SIPA1L2: variants seen among roughly 807,000 people sequenced by gnomAD.
The protein encoded by SIPA1L2 is signal-induced proliferation-associated 1-like protein 2.
A neutral mutation model predicts 163.9 loss-of-function variants in SIPA1L2; 56 were observed. The observed-to-expected ratio is 0.34, with a 90% CI of 0.28 to 0.43. SIPA1L2 has a LOEUF of 0.43. Ranked by LOEUF, SIPA1L2 falls within the 20% of genes least tolerant of loss-of-function variation. SIPA1L2 has a pLI of 1.00. For missense variants in SIPA1L2, 1,974 were observed against 2,193.5 expected, an observed-to-expected ratio of 0.90 and a Z score of 2.00; for synonymous variants, 877 against 865.7, an observed-to-expected ratio of 1.01 and a Z score of -0.23.
chr1:232,556,378 A>C (rs1329651131), intron 2 of SIPA1L2, among the ~76,000 whole-genome samples: 1 of 152,052 alleles, frequency 6.6e-6, no homozygotes, highest in Non-Finnish European at 1.5e-5. Context: ...TTTTTAAAAG[A>C]AAAAGTGAAC....
At chr1:232,611,403 G>A (rs991754897) in intron 1 of SIPA1L2, among the ~76,000 whole-genome samples, 8 of 152,160 alleles carry the variant, frequency 5.3e-5, no homozygotes, top group Non-Finnish European at 7.3e-5. Flanking sequence ...AGTTTGGAGG[G>A]CTCAGAAGAG....
intron 1 of SIPA1L2, among the ~76,000 whole-genome samples, chr1:232,576,714 A>G (rs1285675): frequency 0.29 from 43,696 of 152,198 alleles, 6,480 homozygotes; most frequent in East Asian, 0.36. Context: ...AATACAAAGG[A>G]AAAGTTCTTG....
intron 2 of SIPA1L2, among the ~76,000 whole-genome samples, chr1:232,527,714 T>C (rs1467722614): frequency 8.5e-6 from 1 of 117,692 alleles, no homozygotes; most frequent in African/African-American, 3.2e-5. Flanking sequence ...CATTTAATTC[T>C]TCTTCTTCTT....
At position 232,471,532 on chromosome 1, in the gene SIPA1L2, T is replaced by C. The variant is rs760187563; in HGVS notation, c.2086-4A>G. On this transcript the variant is annotated splice_polypyrimidine_tract_variant and splice_region_variant and intron_variant, in intron 7 of 22. Transcript: ENST00000674635. ...CTATGTGCCTTTTCCTCAGTAGCTG[T>C]GGTCAAGAAAGTGAAGAGTTACAAA... The C allele has an allele frequency of 4.7e-5, 76 of 1,601,054 alleles. No homozygotes were observed. The highest frequency in any genetic ancestry group is 3.8e-4 in the South Asian group (34 of 88,520).
intron 3 of SIPA1L2, among the ~76,000 whole-genome samples, chr1:232,506,890 A>G (rs2103028725): frequency 6.6e-6 from 1 of 152,354 alleles, no homozygotes; most frequent in South Asian, 2.1e-4. Context: ...TACATTTGTA[A>G]AATTTTTAAC....
rs374041573 is a variant in SIPA1L2 at position 232,564,938 on chromosome 1, T to C, written c.-270+9236A>G. Among the ~76,000 whole-genome samples, 49 of 152,152 alleles carry C rather than the reference T, an allele frequency of 3.2e-4. 4 individuals carry two copies. Among genetic ancestry groups the C allele is most frequent in the East Asian group, 1.9e-3 (10 of 5,156 alleles). ...AGAGGAGGGAGAGCATCAGGACAAA[T>C]AGCTAATGCATGCGGGGCTTAAAAC... On this transcript the variant is annotated intron_variant, in intron 2 of 22. Transcript: ENST00000674635.
intron 10 of SIPA1L2, among the ~76,000 whole-genome samples, chr1:232,456,988 C>T (rs768805893): frequency 1.3e-5 from 2 of 152,142 alleles, no homozygotes; most frequent in Non-Finnish European, 2.9e-5. Flanking sequence ...CCCTGCAACT[C>T]CACAAGGAAA....
intron 1 of SIPA1L2, among the ~76,000 whole-genome samples, chr1:232,576,712 G>T (rs1660098907): frequency 6.6e-6 from 1 of 152,156 alleles, no homozygotes; most frequent in Non-Finnish European, 1.5e-5. Flanking sequence ...CGAATACAAA[G>T]GAAAAGTTCT....
In SIPA1L2 at chr1:232,435,355, C is replaced by T. The variant is rs201523157; in HGVS notation, c.4032-2884G>A. Among the ~76,000 whole-genome samples, 5 of 152,270 alleles carry T rather than the reference C, an allele frequency of 3.3e-5. No homozygotes were observed. In the East Asian group the frequency reaches 9.6e-4, roughly 29 times the overall value. ...GATGTTTTAAAGTTAACTTGAAGAA[C>T]AAATGTACAGAATCCATTTGATGAG... On this transcript the variant is annotated intron_variant, in intron 15 of 22. Coordinates refer to ENST00000674635, the MANE Select transcript of SIPA1L2 (RefSeq NM_020808.5).
intron 1 of SIPA1L2, among the ~76,000 whole-genome samples, chr1:232,586,109 A>C (rs754477235): frequency 6.6e-6 from 1 of 152,190 alleles, no homozygotes; most frequent in Non-Finnish European, 1.5e-5. Context: ...GCAAAGCACA[A>C]GACTCGGTTT....
chr1:232,469,506 A>G (rs1286713779), intron 8 of SIPA1L2, among the ~76,000 whole-genome samples: 1 of 152,196 alleles, frequency 6.6e-6, no homozygotes, highest in Non-Finnish European at 1.5e-5. Flanking sequence ...TGATTCTTCA[A>G]GAAATACTAG....
intron 3 of SIPA1L2, among the ~76,000 whole-genome samples, chr1:232,509,546 G>C (rs1388355216): frequency 1.3e-5 from 2 of 152,138 alleles, no homozygotes; most frequent in Non-Finnish European, 2.9e-5. Flanking sequence ...GTCTGCCCAG[G>C]CCCTCTGTTT....
intron 10 of SIPA1L2, among the ~76,000 whole-genome samples, chr1:232,447,532 G>A (rs573184528): frequency 6.6e-6 from 1 of 152,374 alleles, no homozygotes; most frequent in East Asian, 1.9e-4. Flanking sequence ...CCCCGACAGA[G>A]AATGGCTGAA....
At chr1:232,445,300 G>A (rs1272410380) in intron 11 of SIPA1L2, among the ~76,000 whole-genome samples, 2 of 152,178 alleles carry the variant, frequency 1.3e-5, no homozygotes, top group Admixed American at 1.3e-4. Context: ...AAGAGGAAAA[G>A]CTGTGACCCT....
chr1:232,493,424 T>TAA, intron 4 of SIPA1L2, 103 bp downstream of exon 4: 1 of 1,324,780 alleles, frequency 7.5e-7, no homozygotes, highest in Non-Finnish European at 1.0e-6. Context: ...TCATTAACAT[T>TAA]AAAAAAAAAT....
rs1659239905 is a variant in SIPA1L2, at chr1:232,564,165, TG to T, written c.-270+10008del. On this transcript the variant is annotated intron_variant, in intron 2 of 22. Transcript: ENST00000674635. ...TTTTTTTTTCGTGTGTGTGTGTGTG[TG>T]TGTGTGTGTGTGTGTGTGTGTGTTT... Among the ~76,000 whole-genome samples the T allele has an allele frequency of 3.0e-5, 3 of 101,278 alleles. 1 individual carries two copies. In the East Asian group the frequency reaches 8.6e-4, roughly 29 times the overall value. The allele number at this position is 101,278 out of a possible 152,430, so 66.4% of individuals were successfully genotyped here. A position where few individuals can be genotyped will look rare whatever the true frequency, so the allele number is the denominator to read the frequency against.
rs35712001 is a variant in SIPA1L2, at chr1:232,410,545, A to AATATATATATATATATAT, written c.4762+4948_4762+4949insATATATATATATATATAT. 5.4e-5 allele frequency among the ~76,000 whole-genome samples: 8 copies of AATATATATATATATATAT among 148,884 alleles called. No homozygotes were observed. In the Admixed American group the frequency reaches 5.4e-4, roughly 10 times the overall value. On this transcript the variant is annotated intron_variant, in intron 19 of 22. Coordinates refer to ENST00000674635, the MANE Select transcript of SIPA1L2 (RefSeq NM_020808.5). ...CAAGAAGGCTGCTTCTGAATTTCAA[A>AATATATATATATATATAT]ATATATATATATATATACGCAAGGG... is the stretch of plus-strand genomic sequence containing the variant.
chr1:232,627,823 A>G (rs1663163438), intron 1 of SIPA1L2, among the ~76,000 whole-genome samples: 1 of 152,192 alleles, frequency 6.6e-6, no homozygotes, highest in South Asian at 2.1e-4. Flanking sequence ...ACTGCTTCTT[A>G]TCCAGGTTCA....
intron 1 of SIPA1L2, among the ~76,000 whole-genome samples, chr1:232,602,747 G>A (rs904361605): frequency 7.9e-5 from 12 of 152,228 alleles, no homozygotes; most frequent in African/African-American, 2.2e-4. Context: ...GAGACGGAGA[G>A]ATGAGCTAGA....
Sources: allele counts gnomAD v4.1 joint callset (sites outside exome capture counted in the v4.1 genomes callset), GRCh38; gene constraint gnomAD v4.1.1; transcripts MANE v1.5; gene names NCBI Gene and HGNC (gene_info 2026-07-23, HGNC 2026-07-21).